Variants in SLX4IP observed in about 807,000 individuals in gnomAD.
SLX4IP encodes the protein SLX4 interacting protein.
Under a neutral mutation model 32.9 loss-of-function variants are expected in SLX4IP, and 34 were observed. That is an observed-to-expected ratio of 1.03 (90% CI 0.79 to 1.38). SLX4IP has a LOEUF of 1.38. Ranked by LOEUF, SLX4IP falls within the 40% of genes most tolerant of loss-of-function variation. SLX4IP has a pLI of 0.00. For missense variants in SLX4IP, 444 were observed against 479.0 expected, an observed-to-expected ratio of 0.93 and a Z score of 0.68; for synonymous variants, 172 against 171.7, an observed-to-expected ratio of 1.00 and a Z score of -0.01.
chr20:10,546,998 A>G (rs1444474276), intron 2 of SLX4IP, among the ~76,000 whole-genome samples: 3 of 152,210 alleles, frequency 2.0e-5, no homozygotes, highest in Admixed American at 2.0e-4. Flanking sequence ...ATTCTACCCC[A>G]GGGTCCCAGG....
chr20:10,521,162 C>A (rs1273163279), intron 2 of SLX4IP, among the ~76,000 whole-genome samples: 1 of 152,226 alleles, frequency 6.6e-6, no homozygotes, highest in East Asian at 1.9e-4. Flanking sequence ...TGCTTGCTCT[C>A]TTCAGCAGCC....
intron 4 of SLX4IP, among the ~76,000 whole-genome samples, chr20:10,592,354 C>G (rs948013937): frequency 3.3e-5 from 4 of 122,994 alleles, no homozygotes; most frequent in Admixed American, 2.9e-4. Context: ...CAACCCCCCC[C>G]CATCACCAGC....
chr20:10,498,795 A>G (rs908916508), intron 2 of SLX4IP, among the ~76,000 whole-genome samples: 1 of 151,420 alleles, frequency 6.6e-6, no homozygotes, highest in African/African-American at 2.4e-5. Flanking sequence ...TAATATCCAT[A>G]TTAAAATTCT....
Position 10,621,399 on chromosome 20 carries a change from A to G in SLX4IP, c.491A>G (p.Asn164Ser). The change falls in exon 7 of 8, where the codon AAT becomes AGT. Residue 164 changes from asparagine (N) to serine (S), a missense_variant. Physicochemically the swap from Asn to Ser is conservative, Grantham distance 46. Transcript: ENST00000334534. ...CCTCCCAGTGCAAAGCTCCGGAGAA[A>G]TGCTCTGAAAGAAATGTAGGTGCAA... ...SLPPSAKLRR[N>S]ALKEIVKRTE... 1 of 1,614,148 alleles carries G rather than the reference A, an allele frequency of 6.2e-7. No individual in the cohort carries two copies. Among genetic ancestry groups the G allele is most frequent in the Non-Finnish European group, 8.5e-7 (1 of 1,180,010 alleles).
intron 2 of SLX4IP, among the ~76,000 whole-genome samples, chr20:10,482,783 T>C (rs74550125): frequency 0.027 from 4,120 of 152,290 alleles, 105 homozygotes; most frequent in Admixed American, 0.098. Context: ...TAAAACTAGA[T>C]TATGGTGACA....
intron 2 of SLX4IP, among the ~76,000 whole-genome samples, chr20:10,512,384 G>A (rs193262105): frequency 6.6e-5 from 10 of 151,726 alleles, no homozygotes; most frequent in South Asian, 4.2e-4. Context: ...ATAAATTAAC[G>A]TATTGTCATC....
chr20:10,519,116 G>A (rs1368997795), intron 2 of SLX4IP, among the ~76,000 whole-genome samples: 3 of 152,182 alleles, frequency 2.0e-5, no homozygotes, highest in African/African-American at 7.2e-5. Context: ...TCTTTTCACT[G>A]TCATAGTCTT....
At chr20:10,543,004 G>A (rs1047490428) in intron 2 of SLX4IP, among the ~76,000 whole-genome samples, 1 of 152,226 alleles carries the variant, frequency 6.6e-6, no homozygotes, top group African/African-American at 2.4e-5. Flanking sequence ...CCAGGTTGCT[G>A]TTTGGCCATT....
Position 10,623,117 on chromosome 20 carries a change from AAAT to A in SLX4IP, c.970_972del (p.Ile324del), listed in dbSNP as rs780006541. Reference sequence around the variant, plus strand: ...GGAAGTGATCGATTAGTCCCGAGAGAAATAATAGTGGAAAAAAGCAAAGCTGTC... The same window carrying A: ...GGAAGTGATCGATTAGTCCCGAGAGAAATAGTGGAAAAAAGCAAAGCTGTC... On this transcript the variant is annotated inframe_deletion, in exon 8 of 8. Coordinates refer to ENST00000334534, the MANE Select transcript of SLX4IP (RefSeq NM_001009608.3). 17 of 1,614,090 alleles carry A rather than the reference AAAT, an allele frequency of 1.1e-5. No individual in the cohort carries two copies. In the Admixed American group the frequency reaches 2.8e-4, roughly 27 times the overall value.
At chr20:10,564,143 G>A (rs964327582) in intron 4 of SLX4IP, among the ~76,000 whole-genome samples, 23 of 152,104 alleles carry the variant, frequency 1.5e-4, no homozygotes, top group African/African-American at 3.4e-4. Flanking sequence ...GTATACCACC[G>A]TCTTATATTG....
intron 2 of SLX4IP, among the ~76,000 whole-genome samples, chr20:10,538,570 G>C (rs1434369847): frequency 6.6e-6 from 1 of 151,254 alleles, no homozygotes; most frequent in African/African-American, 2.4e-5. Flanking sequence ...CTGTCGCCCA[G>C]GCTGGAGTGC....
intron 2 of SLX4IP, among the ~76,000 whole-genome samples, chr20:10,475,249 T>C (rs2065465703): frequency 6.6e-6 from 1 of 152,170 alleles, no homozygotes; most frequent in Non-Finnish European, 1.5e-5. Context: ...AAAACATCCT[T>C]GTTCAGCTCC....
chr20:10,526,898 G>A (rs1429584109), intron 2 of SLX4IP, among the ~76,000 whole-genome samples: 1 of 152,154 alleles, frequency 6.6e-6, no homozygotes, highest in East Asian at 1.9e-4. Flanking sequence ...GTTGCAGTGA[G>A]CCAAGATCGC....
intron 2 of SLX4IP, among the ~76,000 whole-genome samples, chr20:10,464,404 C>T (rs930651955): frequency 2.6e-5 from 4 of 152,072 alleles, no homozygotes; most frequent in South Asian, 2.1e-4. Flanking sequence ...ATGTAGGCTG[C>T]GTACAGTGGT....
chr20:10,515,016 T>C (rs979662916), intron 2 of SLX4IP, among the ~76,000 whole-genome samples: 1 of 151,710 alleles, frequency 6.6e-6, no homozygotes, highest in African/African-American at 2.4e-5. Flanking sequence ...AGGACACTCT[T>C]GAGGGGCAGA....
intron 7 of SLX4IP, 151 bp from the exon 8 acceptor site, chr20:10,622,507 TG>T: frequency 1.0e-6 from 1 of 998,426 alleles, no homozygotes. Flanking sequence ...CATACACCTG[TG>T]GTGGGGAGTG....
chr20:10,572,088 G>T (rs2066473404), intron 4 of SLX4IP, among the ~76,000 whole-genome samples: 1 of 152,086 alleles, frequency 6.6e-6, no homozygotes, highest in African/African-American at 2.4e-5. Flanking sequence ...ACCTACCCAT[G>T]GCAGATCCCT....
At chr20:10,518,522 CTT>C (rs2065877281) in intron 2 of SLX4IP, among the ~76,000 whole-genome samples, 1 of 134,476 alleles carries the variant, frequency 7.4e-6, no homozygotes, top group Non-Finnish European at 1.6e-5. Context: ...TCCTTCCTTC[CTT>C]CCTTCCTTCC....
intron 4 of SLX4IP, among the ~76,000 whole-genome samples, chr20:10,593,292 C>A (rs1014201822): frequency 2.0e-5 from 3 of 152,164 alleles, no homozygotes; most frequent in African/African-American, 7.2e-5. Flanking sequence ...TTCAGGTCAT[C>A]TGTATGCCAG....
Sources: gnomAD v4.1 joint callset for allele counts (sites outside exome capture counted in the v4.1 genomes callset) on GRCh38, gnomAD v4.1.1 for gene constraint, MANE v1.5 for transcripts, NCBI Gene and HGNC (gene_info 2026-07-23, HGNC 2026-07-21) for gene names.